Variants in MZT2B observed in about 807,000 individuals in gnomAD.
The protein encoded by MZT2B is mitotic spindle organizing protein 2B.
In MZT2B, 11 loss-of-function variants were observed where a neutral mutation model predicts 12.1. The ratio of observed to expected loss-of-function variants is 0.91; its 90% confidence interval spans 0.57 to 1.50. The LOEUF (loss-of-function observed/expected upper bound fraction) is 1.50. Ranked by LOEUF, MZT2B falls within the 40% of genes most tolerant of loss-of-function variation. MZT2B has a pLI of 0.00. For missense variants in MZT2B, 209 were observed against 227.7 expected, an observed-to-expected ratio of 0.92 and a Z score of 0.53; for synonymous variants, 85 against 109.5, an observed-to-expected ratio of 0.78 and a Z score of 1.40.
At chr2:130,185,268 A>G (rs1264040561) in intron 2 of MZT2B, among the ~76,000 whole-genome samples, 2 of 148,784 alleles carry the variant, frequency 1.3e-5, no homozygotes, top group Non-Finnish European at 3.0e-5. Context: ...CCGAGATCAC[A>G]CCACTGCACT....
the MZT2B span, among the ~76,000 whole-genome samples, chr2:130,201,680 C>T: frequency 6.6e-6 from 1 of 152,216 alleles, no homozygotes; most frequent in African/African-American, 2.4e-5. Context: ...TCACACGGTG[C>T]TCTTCAGTCC....
chr2:130,183,200 A>C, intron 2 of MZT2B: 1 of 281,740 alleles, frequency 3.5e-6, no homozygotes, highest in Non-Finnish European at 6.8e-6. Flanking sequence ...CTGTCTCTAA[A>C]TGTTTTTCAA....
At chr2:130,192,150 C>T, downstream of MZT2B, 1 of 1,587,748 alleles carries the variant, frequency 6.3e-7, no homozygotes, top group Non-Finnish European at 8.6e-7. Flanking sequence ...GGAAAGAAAG[C>T]AGTCCGTGAA....
downstream of MZT2B, among the ~76,000 whole-genome samples, chr2:130,195,593 A>T (rs1690384662): frequency 6.6e-6 from 1 of 152,224 alleles, no homozygotes; most frequent in Non-Finnish European, 1.5e-5. Context: ...GGTCAGTGTG[A>T]CTTCTGCAGG....
chr2:130,185,353 C>T (rs561690618), intron 2 of MZT2B, among the ~76,000 whole-genome samples: 1 of 150,882 alleles, frequency 6.6e-6, no homozygotes, highest in African/African-American at 2.4e-5. Context: ...GTGGTGGCGC[C>T]CATCTGTAGT....
the MZT2B span, chr2:130,198,217 T>C: frequency 7.2e-6 from 7 of 967,154 alleles, 1 homozygote; most frequent in African/African-American, 1.8e-5. Context: ...AACGATCCCG[T>C]GTCCTCCTGT....
chr2:130,186,737 A>G (rs1558778388), intron 2 of MZT2B, among the ~76,000 whole-genome samples: 2 of 152,156 alleles, frequency 1.3e-5, no homozygotes, highest in Non-Finnish European at 2.9e-5. Context: ...GGGAGACCCA[A>G]TCTCTACAAA....
intron 2 of MZT2B, chr2:130,184,116 T>C (rs148705045): frequency 0.011 from 16,636 of 1,526,608 alleles, 143 homozygotes; most frequent in Non-Finnish European, 0.013. Context: ...AGGGCACGAT[T>C]TCTGACTCGG....
chr2:130,193,990 C>A (rs1326181614), downstream of MZT2B: 1 of 1,614,036 alleles, frequency 6.2e-7, no homozygotes, highest in Non-Finnish European at 8.5e-7. Context: ...CAGACAGCTG[C>A]TCGTGGTAGG....
downstream of MZT2B, chr2:130,192,243 C>T: frequency 7.1e-7 from 1 of 1,409,098 alleles, no homozygotes; most frequent in Non-Finnish European, 9.5e-7. Context: ...GCTCAGTTCA[C>T]CTCACAAACG....
At chr2:130,197,526 GAAAA>G in the MZT2B span, among the ~76,000 whole-genome samples, 5 of 121,852 alleles carry the variant, frequency 4.1e-5, 1 homozygote, top group Non-Finnish European at 7.2e-5. Flanking sequence ...AAAGAAAAAA[GAAAA>G]AGAAAGGAAA....
the MZT2B span, among the ~76,000 whole-genome samples, chr2:130,202,713 CATCT>C: frequency 3.3e-5 from 5 of 152,226 alleles, no homozygotes; most frequent in Admixed American, 1.3e-4. Flanking sequence ...CATCATCTGC[CATCT>C]CCAGTTCAAC....
intron 2 of MZT2B, among the ~76,000 whole-genome samples, chr2:130,189,281 G>T (rs1263907534): frequency 6.6e-6 from 1 of 152,150 alleles, no homozygotes; most frequent in Non-Finnish European, 1.5e-5. Context: ...TTTGGCTGGG[G>T]TGGGACCAGT....
intron 2 of MZT2B, among the ~76,000 whole-genome samples, chr2:130,187,561 G>C (rs1417786187): frequency 6.6e-6 from 1 of 152,160 alleles, no homozygotes; most frequent in Non-Finnish European, 1.5e-5. Flanking sequence ...CAGGGACCAG[G>C]CGTAGGGGCA....
chr2:130,187,193 A>G (rs66653042), intron 2 of MZT2B, among the ~76,000 whole-genome samples: 1 of 151,200 alleles, frequency 6.6e-6, no homozygotes, highest in African/African-American at 2.4e-5. Flanking sequence ...TTTACTTTTT[A>G]TTTATTTATT....
chr2:130,181,874 G>A (rs561080595), upstream of MZT2B: 355 of 880,398 alleles, frequency 4.0e-4, 1 homozygote, highest in South Asian at 2.5e-3. Flanking sequence ...CCCCCCGCCC[G>A]CCCCGAAAAG....
intron 2 of MZT2B, chr2:130,183,575 A>G: frequency 2.6e-6 from 2 of 770,314 alleles, no homozygotes; most frequent in Non-Finnish European, 2.2e-6. Context: ...GGCCAATGGA[A>G]GAAGGCCCAG....
downstream of MZT2B, chr2:130,194,592 T>C: frequency 3.3e-6 from 4 of 1,223,650 alleles, no homozygotes; most frequent in Non-Finnish European, 2.2e-6. Flanking sequence ...ATAATAAACA[T>C]GCAATACACT....
chr2:130,190,741 G>GTTTTTTGTT (rs1573767798), downstream of MZT2B: 46 of 1,215,586 alleles, frequency 3.8e-5, 4 homozygotes, highest in Admixed American at 7.7e-5. Flanking sequence ...GTTGTCTACC[G>GTTTTTTGTT]TTTTTTTTTT....
Sources: allele counts gnomAD v4.1 joint callset (sites outside exome capture counted in the v4.1 genomes callset), GRCh38; gene constraint gnomAD v4.1.1; transcripts MANE v1.5; gene names NCBI Gene and HGNC (gene_info 2026-07-23, HGNC 2026-07-21).